The following ITGA1 variants were observed in gnomAD, a reference collection of about 807,000 sequenced individuals.
ITGA1 encodes the protein integrin alpha-1.
Under a neutral mutation model 145.9 loss-of-function variants are expected in ITGA1, and 85 were observed. The ratio of observed to expected loss-of-function variants is 0.58; its 90% CI spans 0.49 to 0.70. The LOEUF (loss-of-function observed/expected upper bound fraction) is 0.70. Among genes scored for constraint, ITGA1 ranks in the 30% least tolerant of loss-of-function variants. The pLI, the probability that ITGA1 is intolerant of heterozygous loss-of-function variation, is 0.00. For missense variants in ITGA1, 1,351 were observed against 1,418.7 expected, an observed-to-expected ratio of 0.95 and a Z score of 0.77; for synonymous variants, 520 against 495.3, an observed-to-expected ratio of 1.05 and a Z score of -0.66.
chr5:52,893,567 C>A, intron 8 of ITGA1, 108 bp from the exon 9 acceptor site: 6 of 899,494 alleles, frequency 6.7e-6, no homozygotes, highest in Non-Finnish European at 6.3e-6. Flanking sequence ...ATAAAAATTC[C>A]ATTATGCTAA....
intron 10 of ITGA1, 107 bp downstream of exon 10, chr5:52,897,635 T>C: frequency 1.4e-6 from 1 of 710,808 alleles, no homozygotes; most frequent in Non-Finnish European, 2.5e-6. Flanking sequence ...GTTCATAGCT[T>C]GAACAATTAT....
intron 1 of ITGA1, among the ~76,000 whole-genome samples, chr5:52,848,404 A>G (rs1423056471): frequency 1.3e-5 from 2 of 152,208 alleles, no homozygotes; most frequent in East Asian, 1.9e-4. Context: ...CTGGAAAACT[A>G]TCTGCAACTG....
In ITGA1 at chr5:52,939,885, T is replaced by A; in HGVS notation, c.3226T>A (p.Ser1076Thr). The A allele has an allele frequency of 6.2e-7, 1 of 1,613,722 alleles. No individual in the cohort carries two copies. The highest frequency in any genetic ancestry group is 8.5e-7 in the Non-Finnish European group (1 of 1,179,694). ...KFATITCNLTSSDISQVNVSL... is the reference protein window; with the variant it reads ...KFATITCNLTTSDISQVNVSL... ...TGCTACCATCACATGTAATCTCACTTCTTCTGACATCAGCCAAGTCAATGT... is the reference window on the plus strand; with the variant it reads ...TGCTACCATCACATGTAATCTCACTACTTCTGACATCAGCCAAGTCAATGT... Residue 1076 changes from serine (S) to threonine (T), a missense_variant, in exon 26 of 29, where the codon TCT (serine) becomes ACT (threonine). Transcript: ENST00000282588.
intron 1 of ITGA1, among the ~76,000 whole-genome samples, chr5:52,826,574 A>G (rs1748967758): frequency 6.6e-6 from 1 of 152,230 alleles, no homozygotes; most frequent in Admixed American, 6.5e-5. Flanking sequence ...GAGAGAAGTC[A>G]GTCTGGATTC....
chr5:52,907,926 G>A (rs557790625), intron 12 of ITGA1, among the ~76,000 whole-genome samples: 2 of 152,346 alleles, frequency 1.3e-5, no homozygotes, highest in South Asian at 4.1e-4. Context: ...TCAAAAGTCA[G>A]TGTCTTTTGC....
intron 21 of ITGA1, chr5:52,931,252 A>G (rs1750890271): frequency 6.6e-6 from 1 of 152,140 alleles, no homozygotes; most frequent in Non-Finnish European, 1.5e-5. Flanking sequence ...CTTATTACTA[A>G]TTTAATCATC....
intron 1 of ITGA1, among the ~76,000 whole-genome samples, chr5:52,820,574 C>T (rs112667403): frequency 2.0e-4 from 31 of 151,608 alleles, no homozygotes; most frequent in African/African-American, 5.1e-4. Context: ...CTCCCTTGGC[C>T]GGAGGTGGAG....
intron 1 of ITGA1, among the ~76,000 whole-genome samples, chr5:52,830,462 A>AT (rs1250679078): frequency 1.3e-5 from 2 of 152,002 alleles, no homozygotes; most frequent in African/African-American, 4.8e-5. Flanking sequence ...CTTAAAACAA[A>AT]TTTTTCTGGC....
chr5:52,933,634 A>G (rs1020175375), intron 22 of ITGA1: 13 of 210,254 alleles, frequency 6.2e-5, no homozygotes, highest in Admixed American at 4.1e-4. Context: ...CTTGTTAACC[A>G]TGAAATTTTA....
rs377278232 is a variant in ITGA1, at chr5:52,801,709, G to C, written c.61+13295G>C. The C allele has an allele frequency of 6.2e-7, 1 of 1,614,092 alleles. No homozygotes were observed. Among genetic ancestry groups the C allele is most frequent in the Non-Finnish European group, 8.5e-7 (1 of 1,179,966 alleles). ...CAGTGTGAAAGAGAATGCAGGCACC[G>C]TTAGGATATTCTCTAGTCTTCACGT... On this transcript the variant is annotated intron_variant, in intron 1 of 28. Coordinates refer to ENST00000282588, the MANE Select transcript of ITGA1 (RefSeq NM_181501.2).
At chr5:52,940,691 C>A (rs2111901803) in intron 26 of ITGA1, among the ~76,000 whole-genome samples, 1 of 152,162 alleles carries the variant, frequency 6.6e-6, no homozygotes, top group South Asian at 2.1e-4. Context: ...TTATTTATTT[C>A]TCAGGAAGTA....
chr5:52,951,530 A>G (rs1017042523), intron 28 of ITGA1, among the ~76,000 whole-genome samples: 7 of 152,182 alleles, frequency 4.6e-5, no homozygotes, highest in Admixed American at 4.6e-4. Context: ...TATGGTCAAC[A>G]ACTTCATTTT....
In ITGA1 at chr5:52,937,387, T is replaced by A. The variant is rs767262533; in HGVS notation, c.2965-14T>A. 6 of 1,525,238 alleles carry A rather than the reference T, an allele frequency of 3.9e-6. No homozygotes were observed. In the African/African-American group the frequency reaches 8.2e-5, roughly 21 times the overall value. The allele number at this position is 1,525,238 out of a possible 1,614,324, so 94.5% of individuals were successfully genotyped here. On this transcript the variant is annotated splice_polypyrimidine_tract_variant and intron_variant, in intron 23 of 28. Transcript: ENST00000282588. The stretch of plus-strand genomic sequence containing the variant: ...AAGAGGAAGAAAGATTACATTTCCA[T>A]TTTTTTCTTGTAGATTAGAAAAAGT...
chr5:52,797,682 G>A (rs1748371985), intron 1 of ITGA1, among the ~76,000 whole-genome samples: 1 of 152,140 alleles, frequency 6.6e-6, no homozygotes, highest in African/African-American at 2.4e-5. Context: ...ATATAGGATG[G>A]TGGTAGTAGA....
chr5:52,924,331 C>T (rs1327775935), intron 18 of ITGA1, among the ~76,000 whole-genome samples: 1 of 152,172 alleles, frequency 6.6e-6, no homozygotes, highest in Non-Finnish European at 1.5e-5. Flanking sequence ...TGAAGTTGTG[C>T]CATTTCAGTG....
At chr5:52,867,012 C>G (rs974724391) in intron 6 of ITGA1, 3 of 145,288 alleles carry the variant, frequency 2.1e-5, no homozygotes, top group Admixed American at 2.1e-4. Flanking sequence ...ATACAGTGAT[C>G]TTCCTTTTTT....
rs61600951 is a variant in ITGA1, at chr5:52,812,789, CTTTTTTTTTTTT to C, written c.61+24392_61+24403del. ...AAGTTCATTTTGTTCCTTCTTATCGCTTTTTTTTTTTTTTTTTTTTTTTTTTTTGCCAAATAC... is the reference window on the plus strand; with the variant it reads ...AAGTTCATTTTGTTCCTTCTTATCGCTTTTTTTTTTTTTTTTGCCAAATAC... On this transcript the variant is annotated intron_variant, in intron 1 of 28. Transcript: ENST00000282588. Among the ~76,000 whole-genome samples the C allele has an allele frequency of 1.4e-3, 121 of 86,138 alleles. 5 individuals carry two copies. Among genetic ancestry groups the C allele is most frequent in the Middle Eastern group, 8.3e-3 (1 of 120 alleles). The allele number at this position is 86,138 out of a possible 152,430, so 56.5% of individuals were successfully genotyped here.
chr5:52,805,624 T>A (rs1428823570), intron 1 of ITGA1, among the ~76,000 whole-genome samples: 1 of 151,926 alleles, frequency 6.6e-6, no homozygotes, highest in Admixed American at 6.6e-5. Flanking sequence ...TAAAAAAAAA[T>A]GTTTTATGCA....
chr5:52,859,385 C>T (rs1297532076), intron 2 of ITGA1, among the ~76,000 whole-genome samples: 3 of 152,176 alleles, frequency 2.0e-5, no homozygotes, highest in Non-Finnish European at 4.4e-5. Flanking sequence ...TACTTTAGGT[C>T]ATTTTATTTA....
Sources: allele counts gnomAD v4.1 joint callset (sites outside exome capture counted in the v4.1 genomes callset), GRCh38; gene constraint gnomAD v4.1.1; transcripts MANE v1.5; gene names NCBI Gene and HGNC (gene_info 2026-07-23, HGNC 2026-07-21).